The following CDH13 variants were observed in gnomAD, a reference collection of about 807,000 sequenced individuals.
CDH13 encodes cadherin 13.
Under a neutral mutation model 63.8 loss-of-function variants are expected in CDH13, and 24 were observed. The ratio of observed to expected loss-of-function variants is 0.38; its 90% CI spans 0.27 to 0.53. CDH13 has a LOEUF of 0.53. Among genes scored for constraint, CDH13 ranks in the 20% least tolerant of loss-of-function variants. The pLI is 0.85. For synonymous variants in CDH13, 503 were observed against 355.3 expected, an observed-to-expected ratio of 1.42 and a Z score of -4.67; for missense variants, 1,049 against 903.1, an observed-to-expected ratio of 1.16 and a Z score of -2.07.
At chr16:83,287,195 T>C (rs952892184) in intron 5 of CDH13, among the ~76,000 whole-genome samples, 1 of 152,136 alleles carries the variant, frequency 6.6e-6, no homozygotes, top group African/African-American at 2.4e-5. Flanking sequence ...TAGAATGAAA[T>C]CAGAGATATC....
chr16:83,670,220 T>G (rs1283816642), intron 8 of CDH13, among the ~76,000 whole-genome samples: 1 of 152,224 alleles, frequency 6.6e-6, no homozygotes, highest in Non-Finnish European at 1.5e-5. Context: ...TGGGGTCAAA[T>G]CCCAGTCTCT....
intron 1 of CDH13, among the ~76,000 whole-genome samples, chr16:82,702,544 A>G (rs1390975741): frequency 1.3e-5 from 2 of 152,198 alleles, no homozygotes; most frequent in South Asian, 2.1e-4. Flanking sequence ...AGGTTTTCTG[A>G]TTCCCATCAG....
intron 1 of CDH13, among the ~76,000 whole-genome samples, chr16:82,684,478 A>G (rs1914864418): frequency 6.6e-6 from 1 of 152,160 alleles, no homozygotes; most frequent in Admixed American, 6.5e-5. Flanking sequence ...GCTGTAGTCA[A>G]TTAGTGATGT....
intron 10 of CDH13, among the ~76,000 whole-genome samples, chr16:83,730,592 A>G (rs529325984): frequency 3.9e-5 from 6 of 152,282 alleles, no homozygotes; most frequent in African/African-American, 1.4e-4. Context: ...AATTCATACA[A>G]TTGAACTGGG....
chr16:83,331,302 G>T (rs886387359), intron 5 of CDH13, among the ~76,000 whole-genome samples: 1 of 152,210 alleles, frequency 6.6e-6, no homozygotes, highest in Non-Finnish European at 1.5e-5. Context: ...ACCAAGTTCT[G>T]TCAGGTGCAT....
rs114645999 is a variant in CDH13, at chr16:82,911,032, G to A, written c.157+52559G>A. ...TGTACACTCAGAACTCAGTACTGCCGCAGAGTAAGGCAGACCCATCCCACC... is the reference window on the plus strand; with the variant it reads ...TGTACACTCAGAACTCAGTACTGCCACAGAGTAAGGCAGACCCATCCCACC... On this transcript the variant is annotated intron_variant, in intron 2 of 13. Coordinates refer to ENST00000567109, the MANE Select transcript of CDH13 (RefSeq NM_001257.5). 5.0e-3 allele frequency among the ~76,000 whole-genome samples: 757 copies of A among 152,276 alleles called. 10 individuals are homozygous for A. Among genetic ancestry groups the A allele is most frequent in the African/African-American group, 0.018 (734 of 41,546 alleles).
intron 11 of CDH13, among the ~76,000 whole-genome samples, chr16:83,752,348 C>T (rs948272291): frequency 6.6e-6 from 1 of 152,142 alleles, no homozygotes; most frequent in African/African-American, 2.4e-5. Context: ...ACACTGTGTG[C>T]GTATATACCG....
intron 11 of CDH13, among the ~76,000 whole-genome samples, chr16:83,752,363 C>G (rs1913158820): frequency 6.6e-6 from 1 of 152,076 alleles, no homozygotes; most frequent in African/African-American, 2.4e-5. Flanking sequence ...ATACCGTGTC[C>G]CGAATATTAA....
intron 7 of CDH13, among the ~76,000 whole-genome samples, chr16:83,593,038 C>G (rs1268735543): frequency 1.3e-5 from 2 of 152,290 alleles, no homozygotes; most frequent in East Asian, 3.9e-4. Flanking sequence ...TTAAATCAAA[C>G]TCCAGACAGA....
At chr16:82,739,708 A>G (rs1206575824) in intron 1 of CDH13, among the ~76,000 whole-genome samples, 2 of 152,256 alleles carry the variant, frequency 1.3e-5, no homozygotes, top group Non-Finnish European at 2.9e-5. Context: ...AAAGGAAAAT[A>G]CGATGACACT....
intron 5 of CDH13, among the ~76,000 whole-genome samples, chr16:83,251,571 T>C (rs1191363869): frequency 6.6e-6 from 1 of 152,192 alleles, no homozygotes. Flanking sequence ...TGGAGGTGAC[T>C]GAATCCTGAA....
intron 7 of CDH13, among the ~76,000 whole-genome samples, chr16:83,551,238 C>T (rs1159434690): frequency 2.0e-5 from 3 of 152,122 alleles, no homozygotes; most frequent in South Asian, 4.2e-4. Context: ...TACACCACCA[C>T]ACCTGGCTAA....
At chr16:83,264,286 C>G (rs1415386492) in intron 5 of CDH13, among the ~76,000 whole-genome samples, 3 of 152,124 alleles carry the variant, frequency 2.0e-5, no homozygotes, top group African/African-American at 7.2e-5. Flanking sequence ...TCTGTTGGAT[C>G]ACACTGAGTT....
intron 1 of CDH13, among the ~76,000 whole-genome samples, chr16:82,821,604 G>A (rs899624860): frequency 1.3e-5 from 2 of 152,214 alleles, no homozygotes; most frequent in African/African-American, 4.8e-5. Context: ...GACTACAAGG[G>A]AAGAAAGACT....
chr16:82,636,445 G>A (rs1046572985), intron 1 of CDH13, among the ~76,000 whole-genome samples: 3 of 152,180 alleles, frequency 2.0e-5, no homozygotes, highest in African/African-American at 7.2e-5. Context: ...CGTGCAGCCT[G>A]TACAATTAAC....
chr16:82,855,225 A>G (rs1157556497), intron 1 of CDH13, among the ~76,000 whole-genome samples: 1 of 152,198 alleles, frequency 6.6e-6, no homozygotes, highest in African/African-American at 2.4e-5. Context: ...CTGTAGAGGA[A>G]TCCTGAATGG....
In CDH13 at chr16:83,797,342, T is replaced by C. The variant is rs1038753184; in HGVS notation, c.*2312T>C. On this transcript the variant is annotated 3_prime_UTR_variant, in exon 14 of 14. Coordinates refer to ENST00000567109, the MANE Select transcript of CDH13 (RefSeq NM_001257.5). The stretch of plus-strand genomic sequence containing the variant: ...TTTCTCTCAAGCTGGTAGGCTCTCC[T>C]GCACTTTGTGAACCGAACCAGAAGA... 6.6e-6 allele frequency: 1 copy of C among 152,240 alleles called. No homozygotes were observed. The highest frequency in any genetic ancestry group is 1.5e-5 in the Non-Finnish European group (1 of 68,040). 9.4% of individuals were successfully genotyped at this position (152,240 alleles called of 1,614,324 possible). A position where few individuals can be genotyped will look rare whatever the true frequency, so the allele number is the denominator to read the frequency against.
At chr16:83,377,690 C>T (rs2091483684) in intron 6 of CDH13, among the ~76,000 whole-genome samples, 1 of 152,118 alleles carries the variant, frequency 6.6e-6, no homozygotes, top group Admixed American at 6.5e-5. Flanking sequence ...TTTCTTCTGC[C>T]TGATAATGAC....
intron 10 of CDH13, among the ~76,000 whole-genome samples, chr16:83,680,811 A>G (rs1269960227): frequency 6.6e-6 from 1 of 152,046 alleles, no homozygotes; most frequent in Non-Finnish European, 1.5e-5. Flanking sequence ...GCTTACTTGC[A>G]TAGGTCAGCG....
Sources: gnomAD v4.1 joint callset for allele counts (sites outside exome capture counted in the v4.1 genomes callset) on GRCh38, gnomAD v4.1.1 for gene constraint, MANE v1.5 for transcripts, NCBI Gene and HGNC (gene_info 2026-07-23, HGNC 2026-07-21) for gene names.